KCNMA1: variants seen among roughly 807,000 people sequenced by gnomAD.
KCNMA1 encodes Calcium-activated potassium channel subunit alpha-1.
A neutral mutation model predicts 140.0 loss-of-function variants in KCNMA1; 29 were observed. The ratio of observed to expected loss-of-function variants is 0.21; its 90% CI spans 0.15 to 0.28. The LOEUF is 0.28. KCNMA1 is among the 10% of genes least tolerant of loss of function. The probability of loss-of-function intolerance (pLI) is 1.00; values close to 1 mark genes in which losing one functional copy is unlikely to be tolerated. For missense variants in KCNMA1, 880 were observed against 1,602.2 expected (o/e 0.55, Z 7.70); for synonymous variants, 612 against 611.9 (o/e 1.00, Z 0.00).
chr10:77,236,760 C>T (rs7918361), intron 3 of KCNMA1, among the ~76,000 whole-genome samples: 9,557 of 152,240 alleles, frequency 0.063, 744 homozygotes, highest in East Asian at 0.21. Flanking sequence ...TCAAATTGAA[C>T]TTCTCTAGCT....
intron 15 of KCNMA1, among the ~76,000 whole-genome samples, chr10:77,037,601 G>A (rs2094420556): frequency 6.6e-6 from 1 of 152,082 alleles, no homozygotes; most frequent in South Asian, 2.1e-4. Context: ...GGGGGTTGGG[G>A]AGGGAGCACT....
At chr10:76,925,158 A>AATATTACTAAATATATACAAAC (rs2057294101) in intron 23 of KCNMA1, among the ~76,000 whole-genome samples, 1 of 152,210 alleles carries the variant, frequency 6.6e-6, no homozygotes, top group Non-Finnish European at 1.5e-5. Flanking sequence ...AATATATACA[A>AATATTACTAAATATATACAAAC]ATTACTACAT....
chr10:77,184,314 G>T (rs1298134390), intron 4 of KCNMA1, among the ~76,000 whole-genome samples: 1 of 152,186 alleles, frequency 6.6e-6, no homozygotes, highest in Non-Finnish European at 1.5e-5. Flanking sequence ...CTGCCTCCCA[G>T]GTTCAAGCAA....
intron 3 of KCNMA1, among the ~76,000 whole-genome samples, chr10:77,212,918 C>G (rs1056846589): frequency 6.6e-6 from 1 of 152,164 alleles, no homozygotes; most frequent in Non-Finnish European, 1.5e-5. Flanking sequence ...TCACATCATT[C>G]CTTTCACTTG....
At chr10:77,484,217 T>C (rs1271354988) in intron 1 of KCNMA1, among the ~76,000 whole-genome samples, 5 of 152,218 alleles carry the variant, frequency 3.3e-5, no homozygotes, top group Non-Finnish European at 4.4e-5. Context: ...CAGTTGGTGT[T>C]TTACAAAGTG....
intron 23 of KCNMA1, among the ~76,000 whole-genome samples, chr10:76,922,435 G>A (rs945404811): frequency 3.9e-5 from 6 of 152,164 alleles, no homozygotes; most frequent in Non-Finnish European, 8.8e-5. Flanking sequence ...GGAAACAGAA[G>A]TGGCAACATG....
At chr10:76,928,889 G>A (rs1207992226) in intron 23 of KCNMA1, among the ~76,000 whole-genome samples, 2 of 152,120 alleles carry the variant, frequency 1.3e-5, no homozygotes, top group Non-Finnish European at 2.9e-5. Flanking sequence ...TTCTGAAAAT[G>A]GAGACAAAAC....
Position 77,503,156 on chromosome 10 carries a change from T to C in KCNMA1, c.379-99133A>G, listed in dbSNP as rs146721807. ...CAAAGAAAGGTAAACAGGTAAGAGC[T>C]TTTTGGGTTAAAATGTTGCAGGGAT... On this transcript the variant is annotated intron_variant, in intron 1 of 27. Coordinates refer to ENST00000286628, the MANE Select transcript of KCNMA1 (RefSeq NM_001161352.2). Among the ~76,000 whole-genome samples the C allele has an allele frequency of 4.4e-3, 674 of 152,254 alleles. 6 individuals are homozygous for C. Among genetic ancestry groups the C allele is most frequent in the South Asian group, 0.015 (74 of 4,826 alleles).
At chr10:77,027,784 C>T in intron 16 of KCNMA1, 39 bp downstream of exon 16, 2 of 1,568,918 alleles carry the variant, frequency 1.3e-6, no homozygotes, top group Non-Finnish European at 1.8e-6. Flanking sequence ...CTCTCACCAT[C>T]AAAAGTGTCA....
intron 16 of KCNMA1, among the ~76,000 whole-genome samples, chr10:77,024,326 C>T (rs950828918): frequency 5.3e-5 from 8 of 151,972 alleles, no homozygotes; most frequent in African/African-American, 1.9e-4. Flanking sequence ...TCTATTTATA[C>T]ACATGTACTC....
intron 1 of KCNMA1, among the ~76,000 whole-genome samples, chr10:77,409,015 C>T (rs545935432): frequency 4.4e-4 from 67 of 152,294 alleles, no homozygotes; most frequent in African/African-American, 1.5e-3. Flanking sequence ...AGTCCCCTCC[C>T]GACACCCACC....
intron 2 of KCNMA1, among the ~76,000 whole-genome samples, chr10:77,361,046 G>C (rs911803458): frequency 1.4e-4 from 21 of 152,290 alleles, no homozygotes; most frequent in African/African-American, 5.1e-4. Context: ...ACAAACCTCA[G>C]CTCAGTCACC....
chr10:77,283,481 G>A (rs539385524), intron 2 of KCNMA1, among the ~76,000 whole-genome samples: 5 of 152,302 alleles, frequency 3.3e-5, no homozygotes, highest in East Asian at 3.9e-4. Context: ...AGGGACAGCC[G>A]CATTCCCTGT....
chr10:77,028,362 T>C (rs1426418051), intron 15 of KCNMA1, among the ~76,000 whole-genome samples: 1 of 152,136 alleles, frequency 6.6e-6, no homozygotes, highest in Non-Finnish European at 1.5e-5. Context: ...ACTTGGCCTC[T>C]GTGTAAGTGC....
At position 77,090,624 on chromosome 10, in the gene KCNMA1, C is replaced by T. The variant is rs2096790993; in HGVS notation, c.1224-114G>A. 3 of 739,110 alleles carry T rather than the reference C, an allele frequency of 4.1e-6. No individual in the cohort carries two copies. The Admixed American group carries it at 5.8e-5, about 14-fold the overall frequency. The allele number at this position is 739,110 out of a possible 1,614,324, so 45.8% of individuals were successfully genotyped here. A position where few individuals can be genotyped will look rare whatever the true frequency, so the allele number is the denominator to read the frequency against. ...CTGCAGGGGAAGCATTCATCTCCTCCCTCCGCCTCCATAAAAGCCCAGCTC... is the reference window on the plus strand; with the variant it reads ...CTGCAGGGGAAGCATTCATCTCCTCTCTCCGCCTCCATAAAAGCCCAGCTC... On this transcript the variant is annotated intron_variant, in intron 9 of 27. Coordinates refer to ENST00000286628, the MANE Select transcript of KCNMA1 (RefSeq NM_001161352.2).
At chr10:77,034,071 G>A (rs897359860) in intron 15 of KCNMA1, among the ~76,000 whole-genome samples, 4 of 151,902 alleles carry the variant, frequency 2.6e-5, no homozygotes, top group African/African-American at 9.7e-5. Flanking sequence ...GTGAAACCCC[G>A]TATCTACTAA....
rs57378692 is a variant in KCNMA1 at position 77,634,780 on chromosome 10, AACACACAC to A, written c.378+2477_378+2484del. ...TGGAAAGAAAAAAGAAAAAAAGACA[AACACACAC>A]ACACACACACACACACACACACACA... On this transcript the variant is annotated intron_variant, in intron 1 of 27. Transcript: ENST00000286628. The A allele has an allele frequency of 3.5e-3, 541 of 154,024 alleles. 1 individual carries two copies. The highest frequency in any genetic ancestry group is 0.012 in the African/African-American group (484 of 39,520). 9.5% of individuals were successfully genotyped at this position (154,024 alleles called of 1,614,324 possible).
rs1370600969 is a variant in KCNMA1, at chr10:77,565,611, C to T, written c.378+71654G>A. Reference sequence around the variant, plus strand: ...CAACGCACTGTGTGACCTTAAGCAGCTGTGCTCTTCCCAGTCACTCTCTTC... The same window carrying T: ...CAACGCACTGTGTGACCTTAAGCAGTTGTGCTCTTCCCAGTCACTCTCTTC... On this transcript the variant is annotated intron_variant, in intron 1 of 27. Transcript: ENST00000286628. Among the ~76,000 whole-genome samples the T allele has an allele frequency of 2.6e-5, 4 of 152,220 alleles. No individual in the cohort carries two copies. In the East Asian group the frequency reaches 7.7e-4, roughly 29 times the overall value.
Position 77,313,829 on chromosome 10 carries a change from G to A in KCNMA1, c.541-62573C>T, listed in dbSNP as rs1378040478. ...AAAACTTTATCTGTGAGCCTGCTGT[G>A]CACAGAATTTTGTACCCTAATACTG... On this transcript the variant is annotated intron_variant, in intron 2 of 27. Coordinates refer to ENST00000286628, the MANE Select transcript of KCNMA1 (RefSeq NM_001161352.2). 4.6e-5 allele frequency: 7 copies of A among 152,196 alleles called. No individual in the cohort carries two copies. In the East Asian group the frequency reaches 9.6e-4, roughly 21 times the overall value. 9.4% of individuals were successfully genotyped at this position (152,196 alleles called of 1,614,324 possible).
Sources: allele counts gnomAD v4.1 joint callset (sites outside exome capture counted in the v4.1 genomes callset), GRCh38; gene constraint gnomAD v4.1.1; transcripts MANE v1.5; gene names NCBI Gene and HGNC (gene_info 2026-07-23, HGNC 2026-07-21).